Variants in NUP205 observed in about 807,000 individuals in gnomAD.
NUP205 encodes the protein nuclear pore complex protein Nup205.
A neutral mutation model predicts 253.8 loss-of-function variants in NUP205; 76 were observed. The observed-to-expected ratio is 0.30, with a 90% CI of 0.25 to 0.36. NUP205 has a LOEUF of 0.36. Among genes scored for constraint, NUP205 ranks in the 10% least tolerant of loss-of-function variants. The probability of loss-of-function intolerance (pLI) is 1.00; values close to 1 mark genes in which losing one functional copy is unlikely to be tolerated. For missense variants in NUP205, 2,162 were observed against 2,425.5 expected, an observed-to-expected ratio of 0.89 and a Z score of 2.28; for synonymous variants, 832 against 850.1, an observed-to-expected ratio of 0.98 and a Z score of 0.37.
rs1806193756 is a variant in NUP205 at position 135,577,897 on chromosome 7, T to C, written c.750T>C (p.Ile250=). The C allele has an allele frequency of 6.2e-7, 1 of 1,614,136 alleles. No homozygotes were observed. The change falls in exon 6 of 43, where the codon ATT becomes ATC. Residue 250 remains isoleucine, a synonymous_variant. Coordinates refer to ENST00000285968, the MANE Select transcript of NUP205 (RefSeq NM_015135.3). ...PLGKEDTLLL[I]GHLERVTVEA... ...GCAAAGAAGACACTCTCCTCCTCAT[T>C]GGACATTTGGAAAGAGTGACAGTTG...
chr7:135,619,284 G>A (rs550105442), intron 28 of NUP205, 139 bp from the exon 29 acceptor site: 4 of 863,572 alleles, frequency 4.6e-6, no homozygotes, highest in African/African-American at 1.7e-5. Context: ...CAAGGCTGAA[G>A]TGAGCTGAGA....
intron 22 of NUP205, among the ~76,000 whole-genome samples, chr7:135,613,296 A>C (rs1399651385): frequency 1.3e-5 from 2 of 151,852 alleles, no homozygotes; most frequent in Non-Finnish European, 2.9e-5. Context: ...AGATCTTTAT[A>C]TATATTAGAG....
Position 135,597,555 on chromosome 7 carries a change from G to T in NUP205, c.2064+137G>T. ...TTTTATTTGAAGGGTTTTCTGATCA[G>T]TGTTGAAATAGAGATGAAACTTTTA... On this transcript the variant is annotated intron_variant, in intron 14 of 42. Transcript: ENST00000285968. The T allele has an allele frequency of 8.8e-6, 5 of 570,518 alleles. No individual in the cohort carries two copies. In the South Asian group the frequency reaches 1.6e-4, roughly 18 times the overall value. The allele number at this position is 570,518 out of a possible 1,614,324, so 35.3% of individuals were successfully genotyped here.
chr7:135,570,926 AGTT>A (rs2129489722), intron 1 of NUP205, among the ~76,000 whole-genome samples, 176 bp from the exon 2 acceptor site: 1 of 105,358 alleles, frequency 9.5e-6, no homozygotes, highest in Non-Finnish European at 2.0e-5. Flanking sequence ...AATATAATAT[AGTT>A]AATGTAACAT....
At chr7:135,631,495 A>G (rs1794712616) in intron 35 of NUP205, among the ~76,000 whole-genome samples, 1 of 152,218 alleles carries the variant, frequency 6.6e-6, no homozygotes. Context: ...CCCTGATGGG[A>G]AAGATGAAAT....
intron 1 of NUP205, among the ~76,000 whole-genome samples, chr7:135,566,292 A>G (rs1003396207): frequency 6.6e-6 from 1 of 151,938 alleles, no homozygotes; most frequent in Non-Finnish European, 1.5e-5. Context: ...TATTTCTAGT[A>G]GAGACGGAGT....
Position 135,598,141 on chromosome 7 carries a change from G to A in NUP205, c.2208G>A (p.Leu736=), listed in dbSNP as rs1205973684. ...GGCCCCCTGGCTTTGACCCTTATTT[G>A]CAGTTCCTTAGAGACTCTGTGTTTC... ...GLRPPGFDPY[L]QFLRDSVFLR... Residue 736 remains leucine (L), a synonymous_variant, in exon 15 of 43, where the codon TTG becomes TTA. Coordinates refer to ENST00000285968, the MANE Select transcript of NUP205 (RefSeq NM_015135.3). 7 of 1,613,938 alleles carry A rather than the reference G, an allele frequency of 4.3e-6. No homozygotes were observed. The highest frequency in any genetic ancestry group is 1.3e-5 in the African/African-American group (1 of 74,902).
intron 36 of NUP205, among the ~76,000 whole-genome samples, chr7:135,636,801 T>A (rs1328295792): frequency 6.6e-6 from 1 of 151,910 alleles, no homozygotes; most frequent in Admixed American, 6.6e-5. Flanking sequence ...AGGCCAGGAG[T>A]TTGAGACCAG....
intron 35 of NUP205, among the ~76,000 whole-genome samples, chr7:135,632,979 T>G (rs1465578220): frequency 6.6e-6 from 1 of 152,056 alleles, no homozygotes; most frequent in Non-Finnish European, 1.5e-5. Context: ...TTTTTATTTT[T>G]GGGGGGACAG....
intron 35 of NUP205, among the ~76,000 whole-genome samples, chr7:135,631,121 C>G (rs918982434): frequency 6.6e-6 from 1 of 151,994 alleles, no homozygotes; most frequent in African/African-American, 2.4e-5. Flanking sequence ...CAGAGACATA[C>G]AGAGGCAACT....
At chr7:135,574,658 T>C (rs1806100027) in intron 3 of NUP205, among the ~76,000 whole-genome samples, 3 of 152,160 alleles carry the variant, frequency 2.0e-5, no homozygotes, top group Non-Finnish European at 4.4e-5. Context: ...TGATTTTGCA[T>C]GATAATGAAA....
At chr7:135,604,255 C>A in intron 18 of NUP205, 85 bp from the exon 19 acceptor site, 2 of 1,179,964 alleles carry the variant, frequency 1.7e-6, no homozygotes, top group Non-Finnish European at 2.3e-6. Flanking sequence ...GCAGGGGAAG[C>A]CCTGGTTCTA....
At chr7:135,578,508 A>T (rs1035821791) in intron 6 of NUP205, among the ~76,000 whole-genome samples, 6 of 152,214 alleles carry the variant, frequency 3.9e-5, no homozygotes, top group Non-Finnish European at 1.5e-5. Flanking sequence ...TTTGTAGTAC[A>T]CTTATAAAAA....
intron 6 of NUP205, 57 bp from the exon 7 acceptor site, chr7:135,578,694 A>C: frequency 7.8e-7 from 1 of 1,274,014 alleles, no homozygotes; most frequent in Non-Finnish European, 1.1e-6. Flanking sequence ...ATTCCTGTGT[A>C]TCAGAAGTGA....
intron 22 of NUP205, among the ~76,000 whole-genome samples, chr7:135,607,735 A>T (rs1794118866): frequency 2.0e-5 from 3 of 152,176 alleles, no homozygotes; most frequent in Non-Finnish European, 4.4e-5. Flanking sequence ...ATGGCATGAA[A>T]CGTCTCTGAC....
chr7:135,599,076 A>G (rs78073250), intron 15 of NUP205, among the ~76,000 whole-genome samples: 5,910 of 152,296 alleles, frequency 0.039, 228 homozygotes, highest in African/African-American at 0.099. Context: ...AAATTATATC[A>G]TCCTTAATTT....
In NUP205 at chr7:135,643,282, G is replaced by C; in HGVS notation, c.5483G>C (p.Ser1828Thr). Reference protein sequence around the residue: ...LLKQSANDFFSYYDSHRQSVS... With the variant: ...LLKQSANDFFTYYDSHRQSVS... ...AAACAGAGTGCTAATGATTTCTTCA[G>C]CTATTATGACAGTCATCGACAGAGT... Residue 1828 changes from serine to threonine, a missense_variant, in exon 39 of 43, where the codon AGC becomes ACC. Coordinates refer to ENST00000285968, the MANE Select transcript of NUP205 (RefSeq NM_015135.3). The C allele has an allele frequency of 6.2e-7, 1 of 1,614,082 alleles. No individual in the cohort carries two copies. The highest frequency in any genetic ancestry group is 1.1e-5 in the South Asian group (1 of 91,078).
At position 135,570,752 on chromosome 7, in the gene NUP205, A is replaced by G. The variant is rs11983678; in HGVS notation, c.29-353A>G. 9.9e-3 allele frequency among the ~76,000 whole-genome samples: 900 copies of G among 90,888 alleles called. 5 individuals carry two copies. The highest frequency in any genetic ancestry group is 0.015 in the Non-Finnish European group (732 of 48,216). The allele number at this position is 90,888 out of a possible 152,430, so 59.6% of individuals were successfully genotyped here. On this transcript the variant is annotated intron_variant, in intron 1 of 42. Transcript: ENST00000285968. ...TATATATTATATTAATATATTAATT[A>G]TATTTATATATTATATTAATATATA...
intron 1 of NUP205, among the ~76,000 whole-genome samples, chr7:135,567,264 C>G (rs1209901631): frequency 3.5e-5 from 5 of 144,112 alleles, no homozygotes; most frequent in African/African-American, 1.0e-4. Flanking sequence ...AGTCCGTCCT[C>G]TCCCTGCACA....
Sources: gnomAD v4.1 joint callset for allele counts (sites outside exome capture counted in the v4.1 genomes callset) on GRCh38, gnomAD v4.1.1 for gene constraint, MANE v1.5 for transcripts, NCBI Gene and HGNC (gene_info 2026-07-23, HGNC 2026-07-21) for gene names.